Variants in HEATR4 observed in about 807,000 individuals in gnomAD.
HEATR4 encodes HEAT repeat-containing protein 4.
HEATR4 carries 95 observed loss-of-function variants against 108.8 expected under a neutral mutation model. The ratio of observed to expected loss-of-function variants is 0.87; its 90% CI spans 0.74 to 1.04. The LOEUF is 1.04. Among genes scored for constraint, HEATR4 ranks in the 50% least tolerant of loss-of-function variants. The pLI, the probability that HEATR4 is intolerant of heterozygous loss-of-function variation, is 0.00. For synonymous variants in HEATR4, 443 were observed against 459.4 expected (o/e 0.96, Z 0.46); for missense variants, 1,152 against 1,253.8 (o/e 0.92, Z 1.23).
the HEATR4 span, among the ~76,000 whole-genome samples, chr14:73,588,222 A>G: frequency 6.6e-6 from 1 of 151,072 alleles, no homozygotes; most frequent in South Asian, 2.1e-4. Flanking sequence ...CTATTCTCAA[A>G]CTCCTGACCT....
the HEATR4 span, chr14:73,573,414 G>A: frequency 6.2e-7 from 1 of 1,613,722 alleles, no homozygotes; most frequent in Non-Finnish European, 8.5e-7. Flanking sequence ...TGGGATTGTG[G>A]ACATGTTCGG....
chr14:73,517,412 C>T (rs2140290130), intron 5 of HEATR4: 1 of 152,318 alleles, frequency 6.6e-6, no homozygotes, highest in African/African-American at 2.4e-5. Context: ...GAGAGTGGCT[C>T]ATGCCTGTAG....
rs1888945978 is a variant in HEATR4, at chr14:73,538,324, A to T, written c.-151-8080T>A. 1.8e-5 allele frequency among the ~76,000 whole-genome samples: 2 copies of T among 113,870 alleles called. 1 individual carries two copies. The highest frequency in any genetic ancestry group is 2.0e-4 in the Admixed American group (2 of 10,068). 74.7% of individuals were successfully genotyped at this position (113,870 alleles called of 152,430 possible). On this transcript the variant is annotated intron_variant, in intron 1 of 17. Coordinates refer to ENST00000553558, the MANE Select transcript of HEATR4 (RefSeq NM_001220484.1). ...CAAACCTAGTGCTCAGTTAAAAGAC[A>T]TTGTAAGGGCTGGGCGCGCTGGCTC...
chr14:73,589,677 G>A, the HEATR4 span, among the ~76,000 whole-genome samples: 18 of 152,220 alleles, frequency 1.2e-4, no homozygotes, highest in East Asian at 5.8e-4. Flanking sequence ...GGCCAGGCAC[G>A]GCAGGTAGCT....
chr14:73,569,265 C>T, the HEATR4 span: 1 of 1,613,882 alleles, frequency 6.2e-7, no homozygotes, highest in Non-Finnish European at 8.5e-7. Context: ...TCTTTCTCCC[C>T]ACCCCCATTC....
chr14:73,484,258 C>A (rs1227824233), intron 17 of HEATR4, among the ~76,000 whole-genome samples: 3 of 151,904 alleles, frequency 2.0e-5, no homozygotes, highest in Admixed American at 2.0e-4. Flanking sequence ...ATTCAACATC[C>A]TAGATAGCAT....
Position 73,492,002 on chromosome 14 carries a change from C to T in HEATR4, c.2844+1064G>A. 12 of 1,614,010 alleles carry T rather than the reference C, an allele frequency of 7.4e-6. No individual in the cohort carries two copies. The highest frequency in any genetic ancestry group is 1.0e-5 in the Non-Finnish European group (12 of 1,179,884). On this transcript the variant is annotated intron_variant, in intron 17 of 17. Coordinates refer to ENST00000553558, the MANE Select transcript of HEATR4 (RefSeq NM_001220484.1). This position sits in a 1 kb window ranked among gnomAD's most constrained non-coding sequence, Gnocchi z 4.9. ...AAGCATGGCAGGCTCCAACGTTTAC[C>T]TCACGCCCCCTAACTCGCAGGGCTT...
rs572214750 is a variant in HEATR4, at chr14:73,524,156, G to A, written c.-72-932C>T. Among the ~76,000 whole-genome samples, 81 of 151,610 alleles carry A rather than the reference G, an allele frequency of 5.3e-4. 1 individual carries two copies. Among genetic ancestry groups the A allele is most frequent in the Admixed American group, 1.6e-3 (24 of 15,238 alleles). ...AAATACAAAAAATTAGCCAGGCGCG[G>A]TGGCATGTGCCTGTAATCCCAGCTA... On this transcript the variant is annotated intron_variant, in intron 2 of 17. Transcript: ENST00000553558.
chr14:73,491,252 C>G lies in HEATR4; in HGVS notation c.2844+1814G>C, dbSNP rs761194963. 15 of 1,582,400 alleles carry G rather than the reference C, an allele frequency of 9.5e-6. No homozygotes were observed. The African/African-American group carries it at 1.9e-4, about 20-fold the overall frequency. The stretch of plus-strand genomic sequence containing the variant: ...GACGGCCGACGACCTGGGGGACGCG[C>G]TACCCGGTGGGGCGGCGGTGGCGGC... On this transcript the variant is annotated intron_variant, in intron 17 of 17. Coordinates refer to ENST00000553558, the MANE Select transcript of HEATR4 (RefSeq NM_001220484.1).
chr14:73,509,474 C>T lies in HEATR4; in HGVS notation c.1559-1G>A. On this transcript the variant is annotated splice_acceptor_variant, in intron 7 of 17. Coordinates refer to ENST00000553558, the MANE Select transcript of HEATR4 (RefSeq NM_001220484.1). LOFTEE classifies it high-confidence loss of function. ...TCCGGCAAGTCCTGGATGGTCTTGT[C>T]TGTGATCAAAAGAGCCAGGTAAGAG... 6.2e-7 allele frequency: 1 copy of T among 1,613,750 alleles called. No individual in the cohort carries two copies.
chr14:73,568,225 A>G, the HEATR4 span: 1 of 152,116 alleles, frequency 6.6e-6, no homozygotes, highest in African/African-American at 2.4e-5. Context: ...CAGCCTTATT[A>G]GGAGCAGAGG....
chr14:73,542,923 A>T (rs1261065567), intron 1 of HEATR4: 5 of 1,016,244 alleles, frequency 4.9e-6, no homozygotes, highest in Non-Finnish European at 6.6e-6. Context: ...CCAAAGCTGC[A>T]AATCTGGGTA....
chr14:73,503,602 CCTCAAAAGCAT>C (rs1332083263), intron 10 of HEATR4, among the ~76,000 whole-genome samples: 3 of 152,110 alleles, frequency 2.0e-5, no homozygotes, highest in African/African-American at 7.2e-5. Context: ...TTAGGATTTA[CCTCAAAAGCAT>C]CTCCTTCCTA....
At chr14:73,493,545 A>G (rs1885925060) in intron 16 of HEATR4, among the ~76,000 whole-genome samples, 1 of 152,054 alleles carries the variant, frequency 6.6e-6, no homozygotes, top group South Asian at 2.1e-4. Context: ...CCTCTTAAGG[A>G]AGAGACTCTC....
chr14:73,564,574 C>G, the HEATR4 span, among the ~76,000 whole-genome samples: 2 of 151,856 alleles, frequency 1.3e-5, 1 homozygote, highest in Non-Finnish European at 2.9e-5. Context: ...CCACTGCACT[C>G]CAGCCTGGGT....
chr14:73,499,601 C>T (rs561849963), intron 12 of HEATR4, among the ~76,000 whole-genome samples: 13 of 152,228 alleles, frequency 8.5e-5, no homozygotes, highest in Admixed American at 6.5e-4. Context: ...GAGCTGGAGC[C>T]TAAAGTACCA....
At position 73,493,105 on chromosome 14, in the gene HEATR4, T is replaced by A; in HGVS notation, c.2805A>T (p.Arg935Ser). 6.2e-7 allele frequency: 1 copy of A among 1,613,416 alleles called. No individual in the cohort carries two copies. The highest frequency in any genetic ancestry group is 8.5e-7 in the Non-Finnish European group (1 of 1,179,868). Residue 935 changes from arginine to serine, a missense_variant, in exon 17 of 18, where the codon AGA (arginine) becomes AGT (serine). Physicochemically the swap from Arg to Ser is moderately radical, Grantham distance 110. Transcript: ENST00000553558. The part of the protein sequence containing the change: ...ETFQDEMVLP[R>S]RPSEVCDTEA... ...CAGTGTCACAAACCTCGGAAGGTCTTCTAGGAAGAACCATCTCATCTAGGT... is the reference window on the plus strand; with the variant it reads ...CAGTGTCACAAACCTCGGAAGGTCTACTAGGAAGAACCATCTCATCTAGGT...
intron 8 of HEATR4, among the ~76,000 whole-genome samples, chr14:73,508,668 G>GT (rs1454560321): frequency 7.0e-6 from 1 of 143,350 alleles, no homozygotes; most frequent in Non-Finnish European, 1.5e-5. Context: ...AGAATTGCTT[G>GT]AACCCAGGAG....
At chr14:73,571,534 C>G in the HEATR4 span, 1 of 151,966 alleles carries the variant, frequency 6.6e-6, no homozygotes, top group African/African-American at 2.4e-5. Context: ...CCACCAGGTC[C>G]GGCAGCAGGG....
Sources: allele counts gnomAD v4.1 joint callset (sites outside exome capture counted in the v4.1 genomes callset), GRCh38; gene constraint gnomAD v4.1.1; non-coding constraint Gnocchi (gnomAD v3.1); transcripts MANE v1.5; gene names NCBI Gene and HGNC (gene_info 2026-07-23, HGNC 2026-07-21).